The following TMEM182 variants were observed in gnomAD, a reference collection of about 807,000 sequenced individuals.
TMEM182 encodes transmembrane protein 182.
Under a neutral mutation model 26.8 loss-of-function variants are expected in TMEM182, and 20 were observed. That is an observed-to-expected ratio of 0.75 (90% CI 0.53 to 1.09). The LOEUF (loss-of-function observed/expected upper bound fraction) is 1.09. Among genes scored for constraint, TMEM182 ranks in the 50% least tolerant of loss-of-function variants. The pLI is 0.00. For missense variants in TMEM182, 277 were observed against 275.5 expected (o/e 1.01, Z -0.04); for synonymous variants, 109 against 102.2 (o/e 1.07, Z -0.40).
Position 102,817,128 on chromosome 2 carries a change from T to C in TMEM182, c.*2160T>C, listed in dbSNP as rs367658201. The C allele has an allele frequency of 1.9e-5, 19 of 985,422 alleles. No homozygotes were observed. Among genetic ancestry groups the C allele is most frequent in the Non-Finnish European group, 2.3e-5 (19 of 829,906 alleles). The allele number at this position is 985,422 out of a possible 1,614,324, so 61.0% of individuals were successfully genotyped here. ...AGGAATGAAGGAGAGTTGTGATTGC[T>C]ATGTCAATGAGTGAAATATACTTAA... On this transcript the variant is annotated 3_prime_UTR_variant, in exon 5 of 5. Coordinates refer to ENST00000412401, the MANE Select transcript of TMEM182 (RefSeq NM_144632.5).
At chr2:102,794,677 C>G (rs1191062068) in intron 3 of TMEM182, among the ~76,000 whole-genome samples, 2 of 152,120 alleles carry the variant, frequency 1.3e-5, no homozygotes, top group Non-Finnish European at 2.9e-5. Flanking sequence ...GGATTATTTC[C>G]CCATATGTTT....
chr2:102,744,692 AT>A (rs1228530854), intron 1 of TMEM182, among the ~76,000 whole-genome samples: 1 of 151,896 alleles, frequency 6.6e-6, no homozygotes, highest in Non-Finnish European at 1.5e-5. Context: ...CAAGTGTTTT[AT>A]TTTTTCCTTT....
At chr2:102,742,112 A>G (rs1679561073) in intron 1 of TMEM182, among the ~76,000 whole-genome samples, 5 of 152,236 alleles carry the variant, frequency 3.3e-5, no homozygotes, top group Admixed American at 2.6e-4. Context: ...AACTATGCCT[A>G]TTATGTTAAG....
At chr2:102,764,887 T>C (rs1680365425) in intron 3 of TMEM182, among the ~76,000 whole-genome samples, 1 of 151,584 alleles carries the variant, frequency 6.6e-6, no homozygotes. Context: ...CTACTATATT[T>C]ATACAAAATG....
rs535345847 is a variant in TMEM182 at position 102,762,200 on chromosome 2, G to A, written c.-18G>A. ...TAAAATTTCATATTTTATTTAAAAG[G>A]AAACCAGTGAATTGAAAATGAGACT... On this transcript the variant is annotated 5_prime_UTR_variant, in exon 1 of 5. Transcript: ENST00000412401. 4.2e-5 allele frequency: 68 copies of A among 1,601,080 alleles called. 3 individuals are homozygous for A. The South Asian group carries it at 7.6e-4, about 18-fold the overall frequency.
At chr2:102,809,589 C>T (rs1041743076) in intron 4 of TMEM182, among the ~76,000 whole-genome samples, 2 of 152,152 alleles carry the variant, frequency 1.3e-5, no homozygotes, top group Admixed American at 6.5e-5. Flanking sequence ...TCAGCTTAAC[C>T]TATGAGACTC....
At chr2:102,809,027 A>G (rs930492772) in intron 4 of TMEM182, among the ~76,000 whole-genome samples, 1 of 152,236 alleles carries the variant, frequency 6.6e-6, no homozygotes, top group East Asian at 1.9e-4. Context: ...TACACTTGAA[A>G]TCTGTACATT....
At chr2:102,804,140 CT>C (rs918994492) in intron 4 of TMEM182, among the ~76,000 whole-genome samples, 2 of 151,014 alleles carry the variant, frequency 1.3e-5, no homozygotes, top group Non-Finnish European at 3.0e-5. Flanking sequence ...ATTTTAGTTT[CT>C]TTTTTTATTA....
At chr2:102,775,494 T>C (rs1269030815) in intron 3 of TMEM182, 1 of 152,132 alleles carries the variant, frequency 6.6e-6, no homozygotes, top group East Asian at 1.9e-4. Context: ...AGGGATGCCC[T>C]CTCTCACCAC....
chr2:102,769,537 T>C (rs1302678248), intron 3 of TMEM182, among the ~76,000 whole-genome samples: 2 of 152,248 alleles, frequency 1.3e-5, no homozygotes, highest in Non-Finnish European at 2.9e-5. Flanking sequence ...ATCATAACTA[T>C]ACATGTCTAT....
At chr2:102,763,264 A>G (rs1359337789) in intron 2 of TMEM182, among the ~76,000 whole-genome samples, 1 of 152,196 alleles carries the variant, frequency 6.6e-6, no homozygotes, top group African/African-American at 2.4e-5. Context: ...TTGAAACTTT[A>G]AAGTTCTTTT....
At chr2:102,805,740 A>T (rs775403663) in intron 4 of TMEM182, among the ~76,000 whole-genome samples, 1 of 152,158 alleles carries the variant, frequency 6.6e-6, no homozygotes, top group Non-Finnish European at 1.5e-5. Flanking sequence ...TCAGATGTGC[A>T]AAGTGAGAAG....
At chr2:102,748,800 A>T (rs975379175) in intron 1 of TMEM182, among the ~76,000 whole-genome samples, 3 of 152,200 alleles carry the variant, frequency 2.0e-5, no homozygotes, top group African/African-American at 7.2e-5. Flanking sequence ...TCTGAGAAAA[A>T]TTTACATAAA....
chr2:102,840,402 G>A (rs757438515), intron 3 of TMEM182, among the ~76,000 whole-genome samples: 14 of 152,124 alleles, frequency 9.2e-5, no homozygotes, highest in Admixed American at 1.3e-4. Flanking sequence ...CTCCGTCTTC[G>A]CATATAACTC....
chr2:102,842,581 G>T (rs923304363), intron 3 of TMEM182, among the ~76,000 whole-genome samples: 13 of 152,074 alleles, frequency 8.5e-5, no homozygotes, highest in Admixed American at 2.6e-4. Flanking sequence ...CTTGAATTTC[G>T]TTGGGAATCC....
At chr2:102,772,541 A>T (rs376903678) in intron 3 of TMEM182, among the ~76,000 whole-genome samples, 11 of 152,252 alleles carry the variant, frequency 7.2e-5, no homozygotes, top group South Asian at 6.2e-4. Flanking sequence ...AAGCTCCTCT[A>T]GTCCTTCTTT....
At chr2:102,790,700 C>T (rs758549121) in intron 3 of TMEM182, among the ~76,000 whole-genome samples, 23 of 152,154 alleles carry the variant, frequency 1.5e-4, no homozygotes, top group Non-Finnish European at 2.9e-5. Context: ...CCTGTACTGC[C>T]TACTCACATC....
chr2:102,767,321 G>C (rs1680493240), intron 3 of TMEM182, among the ~76,000 whole-genome samples: 1 of 152,114 alleles, frequency 6.6e-6, no homozygotes, highest in Non-Finnish European at 1.5e-5. Context: ...GGCCTGGTGA[G>C]GGTGGTCTAA....
Position 102,815,558 on chromosome 2 carries a change from C to G in TMEM182, c.*590C>G. 1 of 985,440 alleles carries G rather than the reference C, an allele frequency of 1.0e-6. No homozygotes were observed. The highest frequency in any genetic ancestry group is 1.2e-6 in the Non-Finnish European group (1 of 829,952). The allele number at this position is 985,440 out of a possible 1,614,324, so 61.0% of individuals were successfully genotyped here. ...AGACTGAGAGCATGTACTTATCTTG[C>G]TTTTTCACCAACAGTGGTTTGGTTA... On this transcript the variant is annotated 3_prime_UTR_variant, in exon 5 of 5. Coordinates refer to ENST00000412401, the MANE Select transcript of TMEM182 (RefSeq NM_144632.5).
Sources: allele counts gnomAD v4.1 joint callset (sites outside exome capture counted in the v4.1 genomes callset), GRCh38; gene constraint gnomAD v4.1.1; transcripts MANE v1.5; gene names NCBI Gene and HGNC (gene_info 2026-07-23, HGNC 2026-07-21).